Variants in PPP1R9A observed in about 807,000 individuals in gnomAD.
PPP1R9A encodes neurabin-1.
In PPP1R9A, 59 loss-of-function variants were observed where a neutral mutation model predicts 141.9. That is an observed-to-expected ratio of 0.42 (90% CI 0.34 to 0.52). The LOEUF is 0.52. PPP1R9A is among the 20% of genes least tolerant of loss of function. PPP1R9A has a pLI of 0.10. For synonymous variants in PPP1R9A, 500 were observed against 569.7 expected, an observed-to-expected ratio of 0.88 and a Z score of 1.74; for missense variants, 1,444 against 1,611.9, an observed-to-expected ratio of 0.90 and a Z score of 1.78.
chr7:94,969,721 T>G (rs11977007), intron 2 of PPP1R9A, among the ~76,000 whole-genome samples: 2,041 of 152,144 alleles, frequency 0.013, 50 homozygotes, highest in African/African-American at 0.047. Flanking sequence ...GCAGGAGTGT[T>G]TAAGTCTGCT....
chr7:95,022,135 C>G (rs754988645), intron 2 of PPP1R9A, among the ~76,000 whole-genome samples: 10 of 152,182 alleles, frequency 6.6e-5, no homozygotes, highest in African/African-American at 9.7e-5. Context: ...TGTGTGTCCT[C>G]TCTTATTTCC....
intron 14 of PPP1R9A, among the ~76,000 whole-genome samples, chr7:95,272,610 G>A (rs1030481738): frequency 6.6e-6 from 1 of 152,150 alleles, no homozygotes; most frequent in African/African-American, 2.4e-5. Context: ...AAAGCTCATT[G>A]CTAAAAACAT....
intron 2 of PPP1R9A, among the ~76,000 whole-genome samples, chr7:94,958,288 G>C (rs1435620433): frequency 6.6e-6 from 1 of 151,944 alleles, no homozygotes; most frequent in South Asian, 2.1e-4. Flanking sequence ...TGGCTTCTCA[G>C]GCTCTATCAT....
chr7:95,002,755 G>A (rs1803116370), intron 2 of PPP1R9A, among the ~76,000 whole-genome samples: 1 of 152,116 alleles, frequency 6.6e-6, no homozygotes, highest in African/African-American at 2.4e-5. Flanking sequence ...TAATTGGATG[G>A]CACAGTATAG....
At chr7:95,048,261 T>C (rs1563164991) in intron 2 of PPP1R9A, among the ~76,000 whole-genome samples, 2 of 152,206 alleles carry the variant, frequency 1.3e-5, no homozygotes, top group Non-Finnish European at 2.9e-5. Flanking sequence ...TTCATTCATT[T>C]ATCATTTTTA....
rs567540839 is a variant in PPP1R9A, at chr7:95,088,631, C to T, written c.1396-22628C>T. On this transcript the variant is annotated intron_variant, in intron 2 of 19. Transcript: ENST00000433360. ...TTGAGAGGTAAGACAAAAGTTAGAG[C>T]TGTAGAGATCAAAGTATCCAGTTAA... Among the ~76,000 whole-genome samples the T allele has an allele frequency of 2.2e-4, 33 of 152,032 alleles. 2 individuals are homozygous for T. Among genetic ancestry groups the T allele is most frequent in the Admixed American group, 6.5e-4 (10 of 15,284 alleles).
rs1802708516 is a variant in PPP1R9A, at chr7:95,274,078, A to T, written c.3213-7A>T. The T allele has an allele frequency of 6.4e-7, 1 of 1,563,256 alleles. No homozygotes were observed. Among genetic ancestry groups the T allele is most frequent in the East Asian group, 2.3e-5 (1 of 44,118 alleles). ...TTCCCCTTTCTGACTGCTTACTATC[A>T]TTACAGGGCGCCTTTGCGAAGGAAT... On this transcript the variant is annotated splice_polypyrimidine_tract_variant and splice_region_variant and intron_variant, in intron 15 of 19. Transcript: ENST00000433360.
chr7:95,050,482 C>A (rs563323844), intron 2 of PPP1R9A, among the ~76,000 whole-genome samples: 51 of 152,154 alleles, frequency 3.4e-4, no homozygotes, highest in Non-Finnish European at 6.8e-4. Flanking sequence ...AATCCCAGCA[C>A]TTTGGGAGTC....
chr7:95,128,631 C>T (rs1824009168), intron 4 of PPP1R9A, among the ~76,000 whole-genome samples: 1 of 152,154 alleles, frequency 6.6e-6, no homozygotes, highest in African/African-American at 2.4e-5. Context: ...GGCTAGAGTG[C>T]AATGGTGCGA....
intron 2 of PPP1R9A, among the ~76,000 whole-genome samples, chr7:95,026,016 A>G (rs144344154): frequency 7.2e-4 from 109 of 152,288 alleles, no homozygotes; most frequent in African/African-American, 2.6e-3. Context: ...GCATTGGGTT[A>G]GAACATGTTC....
chr7:95,072,928 C>CATATATATT (rs1211240753), intron 2 of PPP1R9A, among the ~76,000 whole-genome samples: 2 of 119,282 alleles, frequency 1.7e-5, no homozygotes, highest in South Asian at 4.7e-4. Context: ...TTATATATTG[C>CATATATATT]ATATATATTA....
At chr7:95,223,444 C>T (rs142765189) in intron 7 of PPP1R9A, among the ~76,000 whole-genome samples, 78 of 152,092 alleles carry the variant, frequency 5.1e-4, no homozygotes, top group African/African-American at 1.7e-3. Flanking sequence ...CAAGTGACCA[C>T]AGTTCATTTT....
At chr7:95,039,897 A>G (rs1808980881) in intron 2 of PPP1R9A, among the ~76,000 whole-genome samples, 1 of 152,188 alleles carries the variant, frequency 6.6e-6, no homozygotes, top group Admixed American at 6.5e-5. Context: ...AGAAACCCAC[A>G]AACACAGGAA....
chr7:95,086,994 G>A (rs1816715229), intron 2 of PPP1R9A, among the ~76,000 whole-genome samples: 2 of 147,866 alleles, frequency 1.4e-5, no homozygotes, highest in South Asian at 2.1e-4. Flanking sequence ...ACCAGCCTGA[G>A]CAACATAGTG....
At chr7:95,231,091 G>A (rs1325588261) in intron 8 of PPP1R9A, among the ~76,000 whole-genome samples, 3 of 151,984 alleles carry the variant, frequency 2.0e-5, no homozygotes, top group Admixed American at 2.0e-4. Flanking sequence ...GACACCAAAA[G>A]CAAGTAGGAG....
At position 95,175,511 on chromosome 7, in the gene PPP1R9A, A is replaced by C. The variant is rs1832771293; in HGVS notation, c.1754+13540A>C. Among the ~76,000 whole-genome samples, 3 of 151,954 alleles carry C rather than the reference A, an allele frequency of 2.0e-5. No homozygotes were observed. The South Asian group carries it at 6.2e-4, about 32-fold the overall frequency. ...AACCCTTTGCCTTTAAAAAAAAAAA[A>C]ACTTAAAAGACATGGTAATAATTAT... On this transcript the variant is annotated intron_variant, in intron 5 of 19. Coordinates refer to ENST00000433360, the MANE Select transcript of PPP1R9A (RefSeq NM_001166160.2).
intron 7 of PPP1R9A, among the ~76,000 whole-genome samples, chr7:95,206,689 ATACT>A (rs966343592): frequency 2.6e-5 from 4 of 152,240 alleles, no homozygotes; most frequent in African/African-American, 7.2e-5. Context: ...AAAGCACAAC[ATACT>A]TAATTCTAGA....
chr7:95,195,779 A>C (rs1417479105), intron 5 of PPP1R9A, among the ~76,000 whole-genome samples: 3 of 151,810 alleles, frequency 2.0e-5, no homozygotes, highest in Non-Finnish European at 4.4e-5. Flanking sequence ...GGCCAGGTGC[A>C]GTGGCTCATG....
At chr7:95,244,596 G>A (rs973280123) in intron 8 of PPP1R9A, among the ~76,000 whole-genome samples, 2 of 152,164 alleles carry the variant, frequency 1.3e-5, no homozygotes, top group Non-Finnish European at 2.9e-5. Context: ...GTTACCCTAC[G>A]AGGAGTTAAT....
Sources: gnomAD v4.1 joint callset for allele counts (sites outside exome capture counted in the v4.1 genomes callset) on GRCh38, gnomAD v4.1.1 for gene constraint, MANE v1.5 for transcripts, NCBI Gene and HGNC (gene_info 2026-07-23, HGNC 2026-07-21) for gene names.